The following ADGRL4 variants were observed in gnomAD, a reference collection of about 807,000 sequenced individuals.
ADGRL4 encodes adhesion G protein-coupled receptor L4.
ADGRL4 carries 90 observed loss-of-function variants against 74.8 expected under a neutral mutation model. The ratio of observed to expected loss-of-function variants is 1.20; its 90% CI spans 1.02 to 1.43. The LOEUF is 1.43. ADGRL4 is among the 40% of genes most tolerant of loss of function. The pLI is 0.00. For synonymous variants in ADGRL4, 311 were observed against 279.2 expected (o/e 1.11, Z -1.14); for missense variants, 881 against 814.3 (o/e 1.08, Z -1.00).
At chr1:78,978,783 G>T (rs1397736330) in intron 2 of ADGRL4, among the ~76,000 whole-genome samples, 1 of 151,912 alleles carries the variant, frequency 6.6e-6, no homozygotes, top group African/African-American at 2.4e-5. Flanking sequence ...AGTCAAGGAG[G>T]TTAACTTTTC....
At chr1:78,983,011 G>T (rs779375846) in intron 2 of ADGRL4, among the ~76,000 whole-genome samples, 1 of 151,818 alleles carries the variant, frequency 6.6e-6, no homozygotes, top group Non-Finnish European at 1.5e-5. Context: ...GGCAGAGGGA[G>T]AGTGGGAGTC....
chr1:78,939,708 CCTT>C (rs1260000850), intron 3 of ADGRL4: 2 of 152,742 alleles, frequency 1.3e-5, no homozygotes, highest in East Asian at 3.8e-4. Context: ...TGTCTGATAA[CCTT>C]CTTTGCAGGA....
intron 1 of ADGRL4, among the ~76,000 whole-genome samples, chr1:79,005,869 A>G (rs1650952085): frequency 6.6e-6 from 1 of 152,230 alleles, no homozygotes; most frequent in African/African-American, 2.4e-5. Context: ...ACAAAAAAAG[A>G]AACTCAAGAT....
intron 7 of ADGRL4, among the ~76,000 whole-genome samples, chr1:78,928,192 A>C (rs1649158725): frequency 6.6e-6 from 1 of 151,606 alleles, no homozygotes; most frequent in African/African-American, 2.4e-5. Flanking sequence ...AGGATTTTTA[A>C]AGTCTACTAG....
chr1:78,916,517 G>A (rs1192596032), intron 12 of ADGRL4, among the ~76,000 whole-genome samples: 3 of 151,758 alleles, frequency 2.0e-5, no homozygotes, highest in Non-Finnish European at 1.5e-5. Flanking sequence ...CTTGCTCTTG[G>A]TTTTTCTTTT....
intron 2 of ADGRL4, among the ~76,000 whole-genome samples, chr1:78,961,163 C>G (rs554835178): frequency 6.6e-6 from 1 of 152,038 alleles, no homozygotes; most frequent in Admixed American, 6.5e-5. Flanking sequence ...CTCACTGCAA[C>G]CTCCGCCTCC....
intron 7 of ADGRL4, among the ~76,000 whole-genome samples, chr1:78,931,379 G>T (rs1216101525): frequency 6.6e-6 from 1 of 151,432 alleles, no homozygotes; most frequent in Non-Finnish European, 1.5e-5. Context: ...ACAAGCAAAT[G>T]CTGAGGGATT....
chr1:78,984,737 G>A (rs141840308), intron 2 of ADGRL4, among the ~76,000 whole-genome samples: 105 of 151,644 alleles, frequency 6.9e-4, no homozygotes, highest in African/African-American at 2.5e-3. Flanking sequence ...GTTAATAATT[G>A]CATTTAAAAA....
intron 2 of ADGRL4, among the ~76,000 whole-genome samples, chr1:78,968,947 G>T (rs1320452195): frequency 6.6e-6 from 1 of 152,158 alleles, no homozygotes; most frequent in Non-Finnish European, 1.5e-5. Context: ...GACTTATGAG[G>T]AGCTGAAATG....
At chr1:78,891,742 A>T (rs760271289) in intron 13 of ADGRL4, 50 bp from the exon 14 acceptor site, 22 of 1,496,406 alleles carry the variant, frequency 1.5e-5, no homozygotes, top group Non-Finnish European at 1.8e-5. Context: ...TATAGTCAAC[A>T]TATCTCCCAA....
chr1:79,005,888 A>C (rs1297998763), intron 1 of ADGRL4, among the ~76,000 whole-genome samples: 3 of 152,222 alleles, frequency 2.0e-5, no homozygotes, highest in African/African-American at 7.2e-5. Context: ...ATTATAGTCA[A>C]AGATTGATCT....
At chr1:78,923,346 A>G (rs1222348672) in intron 8 of ADGRL4, among the ~76,000 whole-genome samples, 2 of 152,076 alleles carry the variant, frequency 1.3e-5, no homozygotes, top group Non-Finnish European at 2.9e-5. Flanking sequence ...TAGGAAAGGA[A>G]AAACATTTCT....
chr1:78,977,498 G>C (rs1267776152), intron 2 of ADGRL4, among the ~76,000 whole-genome samples: 1 of 151,790 alleles, frequency 6.6e-6, no homozygotes, highest in African/African-American at 2.4e-5. Flanking sequence ...TAAATGCAAA[G>C]GACTAAATAT....
chr1:78,975,272 T>G (rs568139470), intron 2 of ADGRL4, among the ~76,000 whole-genome samples: 1 of 152,234 alleles, frequency 6.6e-6, no homozygotes, highest in African/African-American at 2.4e-5. Flanking sequence ...AAGAAAGTAT[T>G]AATTACTGCT....
Position 78,917,651 on chromosome 1 carries a change from C to T in ADGRL4, c.1732G>A (p.Ala578Thr), listed in dbSNP as rs777735980. 2.1e-5 allele frequency: 34 copies of T among 1,603,094 alleles called. No homozygotes were observed. The highest frequency in any genetic ancestry group is 2.7e-5 in the Non-Finnish European group (32 of 1,174,236). ...ATACATACAAGAATGATTAGGCATG[C>T]TGGTCCTATAAAACTCCAAATAAAG... The part of the protein sequence containing the change: ...NNFIWSFIGP[A>T]CLIILVNLLA... The change falls in exon 12 of 15, where the codon GCA (alanine) becomes ACA (threonine). Residue 578 changes from alanine (A) to threonine (T), a missense_variant. Transcript: ENST00000370742.
intron 2 of ADGRL4, among the ~76,000 whole-genome samples, chr1:79,001,675 T>A (rs1345791882): frequency 6.6e-6 from 1 of 152,158 alleles, no homozygotes; most frequent in Non-Finnish European, 1.5e-5. Context: ...CACTAGGATA[T>A]GATAAAAATA....
chr1:78,949,216 A>G (rs1649673026), intron 2 of ADGRL4, among the ~76,000 whole-genome samples: 1 of 152,112 alleles, frequency 6.6e-6, no homozygotes, highest in African/African-American at 2.4e-5. Context: ...ACCACTTTAT[A>G]TCACCTAACT....
intron 2 of ADGRL4, among the ~76,000 whole-genome samples, chr1:78,999,567 C>T (rs11162587): frequency 0.28 from 42,003 of 151,682 alleles, 5,845 homozygotes; most frequent in Non-Finnish European, 0.29. Context: ...AGCGAGACTC[C>T]GTCTTAAATA....
intron 2 of ADGRL4, among the ~76,000 whole-genome samples, chr1:78,989,632 T>A (rs766528213): frequency 3.3e-5 from 5 of 151,828 alleles, no homozygotes; most frequent in Non-Finnish European, 5.9e-5. Context: ...AAGAGCATCT[T>A]GTTATCTATG....
Sources: gnomAD v4.1 joint callset for allele counts (sites outside exome capture counted in the v4.1 genomes callset) on GRCh38, gnomAD v4.1.1 for gene constraint, MANE v1.5 for transcripts, NCBI Gene and HGNC (gene_info 2026-07-23, HGNC 2026-07-21) for gene names.